TLK1: variants seen among roughly 807,000 people sequenced by gnomAD.
TLK1 encodes the protein serine/threonine-protein kinase tousled-like 1.
Under a neutral mutation model 105.3 loss-of-function variants are expected in TLK1, and 24 were observed. That is an observed-to-expected ratio of 0.23 (90% CI 0.17 to 0.32). TLK1 has a LOEUF of 0.32. TLK1 is among the 10% of genes least tolerant of loss of function. TLK1 has a pLI of 1.00. For missense variants in TLK1, 558 were observed against 910.5 expected, an observed-to-expected ratio of 0.61 and a Z score of 4.98; for synonymous variants, 321 against 310.4, an observed-to-expected ratio of 1.03 and a Z score of -0.36.
At chr2:171,163,656 A>G (rs978648187), upstream of TLK1, among the ~76,000 whole-genome samples, 1 of 152,186 alleles carries the variant, frequency 6.6e-6, no homozygotes, top group Non-Finnish European at 1.5e-5. Context: ...AAGCCCAACC[A>G]AAAAGGTTTG....
intron 20 of TLK1, chr2:170,994,714 T>TG: frequency 1.9e-6 from 1 of 517,752 alleles, no homozygotes; most frequent in South Asian, 1.4e-5. Context: ...CAGTCGAACC[T>TG]GGGTTAACCT....
At position 171,200,244 on chromosome 2, in the gene TLK1, T is replaced by C. The variant is rs147088812; in HGVS notation, c.-6+30901A>G. Among the ~76,000 whole-genome samples the C allele has an allele frequency of 7.2e-4, 109 of 152,374 alleles. 1 individual carries two copies. The East Asian group carries it at 9.1e-3, about 13-fold the overall frequency. On this transcript the variant is annotated intron_variant, in intron 1 of 20. Transcript: ENST00000521943. ...AGCATTCCACAGTTATATTACATTA[T>C]TTAAAGTGTGCTTTGCTTCATCCTT...
intron 1 of TLK1, among the ~76,000 whole-genome samples, chr2:171,185,638 A>G (rs1053195941): frequency 1.3e-5 from 2 of 152,128 alleles, no homozygotes; most frequent in African/African-American, 4.8e-5. Flanking sequence ...TAAAGCACCA[A>G]CTTCCTGCGG....
At chr2:171,113,923 TA>T (rs1690294635) in intron 2 of TLK1, among the ~76,000 whole-genome samples, 1 of 152,184 alleles carries the variant, frequency 6.6e-6, no homozygotes, top group Admixed American at 6.5e-5. Context: ...TGAGCCATTC[TA>T]ACTATTTGTA....
chr2:170,998,452 TCC>T (rs1684189305), intron 18 of TLK1, among the ~76,000 whole-genome samples: 1 of 152,184 alleles, frequency 6.6e-6, no homozygotes, highest in South Asian at 2.1e-4. Context: ...CACTCGGCTC[TCC>T]TTTATCCTCT....
At chr2:171,037,569 C>T (rs962469608) in intron 11 of TLK1, among the ~76,000 whole-genome samples, 1 of 151,948 alleles carries the variant, frequency 6.6e-6, no homozygotes, top group African/African-American at 2.4e-5. Context: ...GAGTTTTAGT[C>T]ACAGATCAAT....
chr2:171,187,057 C>CAAAAAAAAAAAAAAAAAAAAAAA (rs71013019), intron 1 of TLK1, among the ~76,000 whole-genome samples: 37 of 34,028 alleles, frequency 1.1e-3, no homozygotes, highest in African/African-American at 2.2e-3. Flanking sequence ...GACTCTGTCT[C>CAAAAAAAAAAAAAAAAAAAAAAA]AAAAAAAAAA....
chr2:171,006,274 G>A lies in TLK1; in HGVS notation c.1777C>T (p.Leu593=). ...IHYDLKPGNI[L]LVDGTACGEI... ...CCACATGCTGTTCCATCTACCAGTA[G>A]GATGTTTCCTAAGAATAAAATATAA... The change falls in exon 18 of 21, where the codon CTA becomes TTA. Residue 593 remains leucine, a synonymous_variant. Transcript: ENST00000431350. The A allele has an allele frequency of 3.8e-6, 6 of 1,590,182 alleles. No individual in the cohort carries two copies. The highest frequency in any genetic ancestry group is 5.1e-6 in the Non-Finnish European group (6 of 1,173,084).
chr2:171,128,610 TTACATATAC>T (rs1690965994), intron 1 of TLK1, among the ~76,000 whole-genome samples: 1 of 152,168 alleles, frequency 6.6e-6, no homozygotes, highest in Admixed American at 6.5e-5. Context: ...TATAATAGGA[TTACATATAC>T]TTCCGTGCCT....
chr2:171,212,945 T>C (rs1035887446), intron 1 of TLK1, among the ~76,000 whole-genome samples: 1 of 152,166 alleles, frequency 6.6e-6, no homozygotes, highest in Non-Finnish European at 1.5e-5. Flanking sequence ...AAACTTGTTT[T>C]ATCCTAATTT....
chr2:171,177,824 G>A lies in TLK1; in HGVS notation c.-6+53321C>T, dbSNP rs190399803. Among the ~76,000 whole-genome samples, 301 of 151,654 alleles carry A rather than the reference G, an allele frequency of 2.0e-3. 4 individuals are homozygous for A. The highest frequency in any genetic ancestry group is 3.4e-3 in the Non-Finnish European group (229 of 67,876). Reference sequence around the variant, plus strand: ...TTTTTTTCTTTTGAGATGGAGTTTCGCTCTTGTTGCCCAGGCTGGAGTGAA... The same window carrying A: ...TTTTTTTCTTTTGAGATGGAGTTTCACTCTTGTTGCCCAGGCTGGAGTGAA... On this transcript the variant is annotated intron_variant, in intron 1 of 20. Coordinates refer to the TLK1 transcript ENST00000521943.
chr2:171,176,367 A>T (rs1389093867), intron 1 of TLK1, among the ~76,000 whole-genome samples: 1 of 151,896 alleles, frequency 6.6e-6, no homozygotes, highest in Non-Finnish European at 1.5e-5. Flanking sequence ...AGCCCTGACC[A>T]CTCTCTGAGC....
chr2:171,203,787 T>C (rs1333016724), intron 1 of TLK1, among the ~76,000 whole-genome samples: 2 of 152,184 alleles, frequency 1.3e-5, no homozygotes, highest in African/African-American at 4.8e-5. Context: ...CAGTGGCTCA[T>C]GACTGTAATC....
chr2:171,067,745 T>G (rs1688068839), intron 3 of TLK1, among the ~76,000 whole-genome samples: 1 of 152,102 alleles, frequency 6.6e-6, no homozygotes, highest in Admixed American at 6.6e-5. Context: ...TATTTCTCCT[T>G]ATGCTATCCC....
rs149584520 is a variant in TLK1 at position 171,086,816 on chromosome 2, C to T, written c.259-3964G>A. ...TGGCTTGAAAAACAAGAGTTTCAAG[C>T]TTCCAAAGAGGCTGCAAAGTAAGGA... On this transcript the variant is annotated intron_variant, in intron 2 of 20. Transcript: ENST00000431350. 2.2e-4 allele frequency among the ~76,000 whole-genome samples: 34 copies of T among 152,172 alleles called. No individual in the cohort carries two copies. In the East Asian group the frequency reaches 6.2e-3, roughly 28 times the overall value.
At chr2:171,159,694 T>G (rs1223211372) in intron 1 of TLK1, 8 of 152,266 alleles carry the variant, frequency 5.3e-5, no homozygotes, top group Non-Finnish European at 8.8e-5. Context: ...CGAGTCAGTC[T>G]GTCGTTTAAA....
intron 11 of TLK1, among the ~76,000 whole-genome samples, chr2:171,041,063 T>C (rs1686651281): frequency 6.6e-6 from 1 of 152,158 alleles, no homozygotes; most frequent in Non-Finnish European, 1.5e-5. Context: ...AGTAAAAATC[T>C]TGGTTAAAAT....
intron 8 of TLK1, among the ~76,000 whole-genome samples, chr2:171,051,308 A>G (rs79998645): frequency 0.012 from 1,863 of 152,206 alleles, 20 homozygotes; most frequent in Non-Finnish European, 0.018. Context: ...TTAATAATGG[A>G]AATTCAATGT....
intron 1 of TLK1, among the ~76,000 whole-genome samples, chr2:171,176,401 C>A (rs116697177): frequency 3.1e-4 from 47 of 152,276 alleles, no homozygotes; most frequent in African/African-American, 1.1e-3. Context: ...AGCATGGCTT[C>A]TCTTGGGCTG....
Sources: gnomAD v4.1 joint callset for allele counts (sites outside exome capture counted in the v4.1 genomes callset) on GRCh38, gnomAD v4.1.1 for gene constraint, MANE v1.5 for transcripts, NCBI Gene and HGNC (gene_info 2026-07-23, HGNC 2026-07-21) for gene names.